The following EYS variants were observed in gnomAD, a reference collection of about 807,000 sequenced individuals.
The protein encoded by EYS is protein eyes shut homolog.
In EYS, 250 loss-of-function variants were observed where a neutral mutation model predicts 282.1. The observed-to-expected ratio is 0.89, with a 90% confidence interval of 0.80 to 0.98. The LOEUF (loss-of-function observed/expected upper bound fraction) is 0.98, where lower values mean the gene tolerates loss of function less well. Ranked by LOEUF, EYS falls within the 50% of genes least tolerant of loss-of-function variation. The pLI is 0.00. For synonymous variants in EYS, 1,355 were observed against 1,282.9 expected, an observed-to-expected ratio of 1.06 and a Z score of -1.20; for missense variants, 4,016 against 3,709.0, an observed-to-expected ratio of 1.08 and a Z score of -2.15.
At position 65,417,797 on chromosome 6, in the gene EYS, T is replaced by C. The variant is rs182634636; in HGVS notation, c.863-12430A>G. On this transcript the variant is annotated intron_variant, in intron 5 of 42. Coordinates refer to ENST00000503581, the MANE Select transcript of EYS (RefSeq NM_001142800.2). Reference sequence around the variant, plus strand: ...GGTGACTGAGGCACAAGGAGGATAGTCTAGAAACATTCCATCTCTACATTA... The same window carrying C: ...GGTGACTGAGGCACAAGGAGGATAGCCTAGAAACATTCCATCTCTACATTA... Among the ~76,000 whole-genome samples, 46 of 152,120 alleles carry C rather than the reference T, an allele frequency of 3.0e-4. 1 individual carries two copies. Among genetic ancestry groups the C allele is most frequent in the Admixed American group, 3.0e-3 (46 of 15,220 alleles).
intron 12 of EYS, among the ~76,000 whole-genome samples, chr6:65,115,485 A>T (rs1244950602): frequency 6.6e-6 from 1 of 152,064 alleles, no homozygotes; most frequent in Non-Finnish European, 1.5e-5. Flanking sequence ...CAGACTAGCT[A>T]ACAGACCTAT....
Position 64,591,774 on chromosome 6 carries a change from T to C in EYS, c.4093A>G (p.Lys1365Glu), listed in dbSNP as rs16895519. The C allele has an allele frequency of 1.9e-3, 2,892 of 1,551,312 alleles. 42 individuals carry two copies. The African/African-American group carries it at 0.029, about 15-fold the overall frequency. Residue 1365 changes from lysine to glutamate, a missense_variant, in exon 26 of 43, where the codon AAA becomes GAA. Physicochemically the swap from Lys to Glu is moderately conservative, Grantham distance 56. Coordinates refer to ENST00000503581, the MANE Select transcript of EYS (RefSeq NM_001142800.2). ...IRDPAQIVQD[K>E]TSVSHMPIRT... ...ATAGGCATATGTGATACCGATGTTT[T>C]GTCCTGGACAATTTGTGCTGGGTCA...
chr6:65,643,654 C>T (rs1011576005), intron 1 of EYS, among the ~76,000 whole-genome samples: 4 of 152,158 alleles, frequency 2.6e-5, no homozygotes, highest in Non-Finnish European at 5.9e-5. Context: ...AAAAACACAA[C>T]CAAAGACCCT....
At chr6:64,341,319 T>C (rs1199230604) in intron 29 of EYS, among the ~76,000 whole-genome samples, 1 of 151,726 alleles carries the variant, frequency 6.6e-6, no homozygotes, top group East Asian at 1.9e-4. Flanking sequence ...GTGGATTGGA[T>C]AAATAAAATG....
intron 26 of EYS, among the ~76,000 whole-genome samples, chr6:64,575,717 T>C (rs904741526): frequency 1.1e-4 from 16 of 152,214 alleles, no homozygotes; most frequent in African/African-American, 3.9e-4. Context: ...GTATGGTACA[T>C]AGTATTAAAA....
At chr6:64,097,558 T>C (rs1037840355) in intron 31 of EYS, among the ~76,000 whole-genome samples, 1 of 152,146 alleles carries the variant, frequency 6.6e-6, no homozygotes, top group African/African-American at 2.4e-5. Context: ...AAGCCAAGCA[T>C]GGGATATAAT....
chr6:64,301,547 A>T (rs996381450), intron 30 of EYS, among the ~76,000 whole-genome samples: 8 of 152,190 alleles, frequency 5.3e-5, no homozygotes, highest in Admixed American at 2.0e-4. Context: ...TAATCAGTAA[A>T]GTCATATATT....
chr6:64,218,523 T>G (rs533009588), intron 31 of EYS, among the ~76,000 whole-genome samples: 1 of 152,316 alleles, frequency 6.6e-6, no homozygotes, highest in East Asian at 1.9e-4. Flanking sequence ...TAGTAATTTT[T>G]CATTTCTCTG....
At chr6:64,104,925 T>C (rs1772957469) in intron 31 of EYS, among the ~76,000 whole-genome samples, 1 of 152,030 alleles carries the variant, frequency 6.6e-6, no homozygotes, top group Non-Finnish European at 1.5e-5. Context: ...CTACTATTTG[T>C]GTGTCCTGGG....
chr6:64,738,382 A>G (rs893385503), intron 22 of EYS, among the ~76,000 whole-genome samples: 1 of 152,176 alleles, frequency 6.6e-6, no homozygotes, highest in African/African-American at 2.4e-5. Context: ...CTTGCTCCAT[A>G]AGTAAAAGCT....
chr6:64,788,690 A>G (rs1258528159), intron 22 of EYS, among the ~76,000 whole-genome samples: 2 of 152,074 alleles, frequency 1.3e-5, no homozygotes, highest in African/African-American at 4.8e-5. Context: ...TCTTTTAAAG[A>G]GTTATTCAAT....
At chr6:64,777,939 A>G (rs1381420318) in intron 22 of EYS, among the ~76,000 whole-genome samples, 9 of 152,154 alleles carry the variant, frequency 5.9e-5, no homozygotes, top group Admixed American at 5.9e-4. Context: ...TGAATGTTTA[A>G]GGATAATTCT....
At chr6:64,030,390 A>T (rs1769764553) in intron 33 of EYS, among the ~76,000 whole-genome samples, 1 of 152,216 alleles carries the variant, frequency 6.6e-6, no homozygotes, top group Non-Finnish European at 1.5e-5. Context: ...TGCCTCTCAG[A>T]CAGTTTGCAA....
chr6:64,418,527 C>G (rs1774131035), intron 28 of EYS, among the ~76,000 whole-genome samples: 1 of 152,136 alleles, frequency 6.6e-6, no homozygotes, highest in Non-Finnish European at 1.5e-5. Flanking sequence ...GTGATCAGAT[C>G]ACATTAATAT....
intron 31 of EYS, among the ~76,000 whole-genome samples, chr6:64,089,432 C>T (rs1772277081): frequency 1.3e-5 from 2 of 149,190 alleles, no homozygotes; most frequent in Non-Finnish European, 3.0e-5. Flanking sequence ...TCAGTGATTA[C>T]AATTAAAATG....
chr6:65,281,867 C>T (rs1278698496), intron 12 of EYS, among the ~76,000 whole-genome samples: 1 of 151,980 alleles, frequency 6.6e-6, no homozygotes, highest in Non-Finnish European at 1.5e-5. Context: ...TTTTGTATTT[C>T]TAATTTTATT....
chr6:63,747,996 G>A (rs1039892970), intron 41 of EYS, among the ~76,000 whole-genome samples: 1 of 152,154 alleles, frequency 6.6e-6, no homozygotes, highest in African/African-American at 2.4e-5. Context: ...TCATTATGAT[G>A]CTAGCTGGTT....
Position 64,319,694 on chromosome 6 carries a change from G to GATGA in EYS, c.6079-12613_6079-12612insTCAT, listed in dbSNP as rs1770132715. On this transcript the variant is annotated intron_variant, in intron 29 of 42. Coordinates refer to ENST00000503581, the MANE Select transcript of EYS (RefSeq NM_001142800.2). ...GTGTAAATACAGGCAATCTCAGATGGATGGATGGATGGATGGACGGATGGA... is the reference window on the plus strand; with the variant it reads ...GTGTAAATACAGGCAATCTCAGATGGATGAATGGATGGATGGATGGACGGATGGA... 6.1e-5 allele frequency among the ~76,000 whole-genome samples: 6 copies of GATGA among 98,300 alleles called. No individual in the cohort carries two copies. In the South Asian group the frequency reaches 2.2e-3, roughly 36 times the overall value. The allele number at this position is 98,300 out of a possible 152,430, so 64.5% of individuals were successfully genotyped here.
intron 12 of EYS, among the ~76,000 whole-genome samples, chr6:65,119,754 C>T (rs1326148167): frequency 2.0e-5 from 3 of 151,288 alleles, no homozygotes; most frequent in Non-Finnish European, 4.4e-5. Flanking sequence ...GTGGTTCCAG[C>T]TACTTGGGAG....
Sources: gnomAD v4.1 joint callset for allele counts (sites outside exome capture counted in the v4.1 genomes callset) on GRCh38, gnomAD v4.1.1 for gene constraint, MANE v1.5 for transcripts, NCBI Gene and HGNC (gene_info 2026-07-23, HGNC 2026-07-21) for gene names.